The following NHEJ1 variants were observed in gnomAD, a reference collection of about 807,000 sequenced individuals.
The protein encoded by NHEJ1 is non-homologous end joining factor 1, also known as non-homologous end-joining factor 1.
Under a neutral mutation model 39.4 loss-of-function variants are expected in NHEJ1, and 22 were observed. The observed-to-expected ratio is 0.56, with a 90% CI of 0.40 to 0.80. The LOEUF is 0.80. NHEJ1 is among the 30% of genes least tolerant of loss of function. NHEJ1 has a pLI of 0.00. For synonymous variants in NHEJ1, 154 were observed against 135.6 expected (o/e 1.14, Z -0.94); for missense variants, 329 against 357.1 (o/e 0.92, Z 0.63).
chr2:219,124,810 G>A (rs1303795628), intron 5 of NHEJ1: 2 of 152,082 alleles, frequency 1.3e-5, no homozygotes, highest in Non-Finnish European at 2.9e-5. Flanking sequence ...ACTATAAACA[G>A]AACAAATATA....
chr2:219,116,355 A>G (rs6436112), intron 5 of NHEJ1, among the ~76,000 whole-genome samples: 81,278 of 151,424 alleles, frequency 0.54, 24,051 homozygotes, highest in Non-Finnish European at 0.67. Context: ...TATAACTCTT[A>G]GGATTTTTTT....
Position 219,073,006 on chromosome 2 carries a change from A to G in NHEJ1, c.*3375T>C, listed in dbSNP as rs1948976109. ...CTAAGGAGGAGGTAAGGGCTTGGGAAAATGGGAGGTCTAAGTGAAAAGGAA... is the reference window on the plus strand; with the variant it reads ...CTAAGGAGGAGGTAAGGGCTTGGGAGAATGGGAGGTCTAAGTGAAAAGGAA... On this transcript the variant is annotated 3_prime_UTR_variant, in exon 8 of 8. Coordinates refer to ENST00000356853, the MANE Select transcript of NHEJ1 (RefSeq NM_024782.3). Among the ~76,000 whole-genome samples the G allele has an allele frequency of 6.6e-6, 1 of 152,204 alleles. No homozygotes were observed. Among genetic ancestry groups the G allele is most frequent in the Non-Finnish European group, 1.5e-5 (1 of 68,042 alleles).
chr2:219,075,948 C>T lies in NHEJ1; in HGVS notation c.*433G>A. Reference sequence around the variant, plus strand: ...GAAGTGAATTGGGTTATGAGTTCCACAGCATAAGTAATCCCAAAAGCAGGG... The same window carrying T: ...GAAGTGAATTGGGTTATGAGTTCCATAGCATAAGTAATCCCAAAAGCAGGG... On this transcript the variant is annotated 3_prime_UTR_variant, in exon 8 of 8. Transcript: ENST00000356853. The T allele has an allele frequency of 4.5e-6, 1 of 221,332 alleles. No homozygotes were observed. Among genetic ancestry groups the T allele is most frequent in the Non-Finnish European group, 8.9e-6 (1 of 111,870 alleles). The allele number at this position is 221,332 out of a possible 1,614,324, so 13.7% of individuals were successfully genotyped here.
rs572772477 is a variant in NHEJ1, at chr2:219,100,900, A to G, written c.589-22694T>C. Among the ~76,000 whole-genome samples the G allele has an allele frequency of 8.5e-5, 13 of 152,286 alleles. No individual in the cohort carries two copies. The South Asian group carries it at 2.1e-3, about 24-fold the overall frequency. On this transcript the variant is annotated intron_variant, in intron 5 of 7. Transcript: ENST00000356853. ...AAAATTATTTTTTAAATACTAATCA[A>G]TGTAAACACTATAGATGTATATAAA...
At chr2:219,147,049 A>G (rs914247912) in intron 4 of NHEJ1, among the ~76,000 whole-genome samples, 5 of 152,232 alleles carry the variant, frequency 3.3e-5, no homozygotes, top group Admixed American at 1.3e-4. Context: ...TCCCAAGTCC[A>G]TGTTGCTCTG....
intron 5 of NHEJ1, among the ~76,000 whole-genome samples, chr2:219,137,071 GAA>G (rs769632691): frequency 3.5e-4 from 23 of 64,966 alleles, no homozygotes; most frequent in Middle Eastern, 0.02. Flanking sequence ...CTCTTCTTGA[GAA>G]AAAAAAAAAA....
At chr2:219,098,383 C>G (rs1465476773) in intron 5 of NHEJ1, among the ~76,000 whole-genome samples, 1 of 152,006 alleles carries the variant, frequency 6.6e-6, no homozygotes, top group Non-Finnish European at 1.5e-5. Context: ...AAAACAAAAA[C>G]TTAGGGAGAG....
chr2:219,110,394 C>T (rs947205535), intron 5 of NHEJ1, among the ~76,000 whole-genome samples: 3 of 151,822 alleles, frequency 2.0e-5, no homozygotes, highest in Non-Finnish European at 4.4e-5. Flanking sequence ...TGGTAGGGTG[C>T]ACCTGTAGTC....
intron 5 of NHEJ1, among the ~76,000 whole-genome samples, chr2:219,130,588 T>C (rs1481045891): frequency 6.6e-6 from 1 of 152,162 alleles, no homozygotes; most frequent in African/African-American, 2.4e-5. Flanking sequence ...CTTGGAGAGA[T>C]CCTTTCCAAG....
chr2:219,157,365 T>C (rs1949863895), intron 3 of NHEJ1, 107 bp downstream of exon 3: 1 of 946,530 alleles, frequency 1.1e-6, no homozygotes, highest in Admixed American at 2.0e-5. Flanking sequence ...GTTTTCTGAT[T>C]GGAGAAGAAT....
rs1290946368 is a variant in NHEJ1, at chr2:219,074,846, T to G, written c.*1535A>C. Among the ~76,000 whole-genome samples the G allele has an allele frequency of 6.6e-6, 1 of 152,014 alleles. No homozygotes were observed. The highest frequency in any genetic ancestry group is 1.5e-5 in the Non-Finnish European group (1 of 67,998). On this transcript the variant is annotated 3_prime_UTR_variant, in exon 8 of 8. Transcript: ENST00000356853. ...ACAGTCACTACCACACAGCACACTC[T>G]AGGGTCCTGTGGTCTGGGGGTAAAG...
At chr2:219,146,601 C>T in intron 5 of NHEJ1, 79 bp downstream of exon 5, 1 of 1,160,040 alleles carries the variant, frequency 8.6e-7, no homozygotes, top group Non-Finnish European at 1.3e-6. Flanking sequence ...CACCTAACAC[C>T]CAAAACACAA....
chr2:219,140,407 G>T (rs1325686513), intron 5 of NHEJ1, among the ~76,000 whole-genome samples: 3 of 152,220 alleles, frequency 2.0e-5, no homozygotes, highest in African/African-American at 4.8e-5. Flanking sequence ...AGGCCAGGAG[G>T]GGGTAGGAGT....
chr2:219,141,715 G>A (rs1227232986), intron 5 of NHEJ1, among the ~76,000 whole-genome samples: 1 of 152,098 alleles, frequency 6.6e-6, no homozygotes. Context: ...AAACACAGTG[G>A]AGATATAAAA....
At chr2:219,136,825 A>G (rs1339850136) in intron 5 of NHEJ1, among the ~76,000 whole-genome samples, 10 of 150,746 alleles carry the variant, frequency 6.6e-5, no homozygotes, top group African/African-American at 2.4e-4. Context: ...CTGATCTCAA[A>G]CTCCCGACCT....
At chr2:219,148,888 C>CTT (rs377061150) in intron 3 of NHEJ1, among the ~76,000 whole-genome samples, 1 of 146,042 alleles carries the variant, frequency 6.8e-6, no homozygotes. Flanking sequence ...ACAACCCCCC[C>CTT]TTTTTTTTTT....
chr2:219,146,173 CCATT>C (rs1490524957), intron 5 of NHEJ1, among the ~76,000 whole-genome samples: 2 of 152,272 alleles, frequency 1.3e-5, no homozygotes, highest in Admixed American at 6.5e-5. Flanking sequence ...TATCTACTCC[CCATT>C]CATTCCTTTG....
intron 3 of NHEJ1, among the ~76,000 whole-genome samples, chr2:219,154,407 G>A (rs1174933395): frequency 6.6e-6 from 1 of 152,188 alleles, no homozygotes; most frequent in Non-Finnish European, 1.5e-5. Flanking sequence ...GAACGGGGTA[G>A]AAAGATCTAT....
At position 219,147,672 on chromosome 2, in the gene NHEJ1, C is replaced by G. The variant is rs776313502; in HGVS notation, c.514G>C (p.Ala172Pro). Residue 172 changes from alanine (A) to proline (P), a missense_variant, in exon 4 of 8, where the codon GCT becomes CCT. By Grantham distance (27) the Ala-to-Pro change is conservative. Transcript: ENST00000356853. ...GTCCTCTTACCTCGAATCAGCGTAG[C>G]CCCACTCTCCTGGTAGTCTTGGATC... ...LEIQDYQESG[A>P]TLIRDRLKTE... 6.2e-7 allele frequency: 1 copy of G among 1,614,192 alleles called. No individual in the cohort carries two copies. The highest frequency in any genetic ancestry group is 1.7e-5 in the Admixed American group (1 of 60,016).
Sources: allele counts gnomAD v4.1 joint callset (sites outside exome capture counted in the v4.1 genomes callset), GRCh38; gene constraint gnomAD v4.1.1; transcripts MANE v1.5; gene names NCBI Gene and HGNC (gene_info 2026-07-23, HGNC 2026-07-21).